SPATA17: variants seen among roughly 807,000 people sequenced by gnomAD.
SPATA17 encodes the protein spermatogenesis-associated protein 17.
Under a neutral mutation model 62.2 loss-of-function variants are expected in SPATA17, and 53 were observed. The ratio of observed to expected loss-of-function variants is 0.85; its 90% confidence interval spans 0.68 to 1.07. The LOEUF is 1.07. SPATA17 is among the 50% of genes least tolerant of loss of function. SPATA17 has a pLI of 0.00. For missense variants in SPATA17, 466 were observed against 425.5 expected, an observed-to-expected ratio of 1.10 and a Z score of -0.84; for synonymous variants, 146 against 146.8, an observed-to-expected ratio of 0.99 and a Z score of 0.04.
At chr1:217,801,618 A>G (rs1416529401) in intron 8 of SPATA17, 100 bp from the exon 9 acceptor site, 4 of 899,218 alleles carry the variant, frequency 4.4e-6, no homozygotes, top group African/African-American at 3.4e-5. Flanking sequence ...TAAATCTTGT[A>G]TCATTTTCAC....
At chr1:217,704,232 T>TTTTTTTG in intron 5 of SPATA17, among the ~76,000 whole-genome samples, 2 of 99,284 alleles carry the variant, frequency 2.0e-5, no homozygotes, top group Non-Finnish European at 4.0e-5. Context: ...CCCTCTACCT[T>TTTTTTTG]TTTTTTTTTT....
intron 5 of SPATA17, among the ~76,000 whole-genome samples, chr1:217,686,127 A>G (rs1671209722): frequency 6.6e-6 from 1 of 152,050 alleles, no homozygotes; most frequent in Non-Finnish European, 1.5e-5. Context: ...TTTCTTTCTT[A>G]TATTGCAATT....
chr1:217,804,331 A>G (rs1674381679), intron 9 of SPATA17, among the ~76,000 whole-genome samples: 1 of 152,202 alleles, frequency 6.6e-6, no homozygotes, highest in African/African-American at 2.4e-5. Context: ...ACAAATAGTG[A>G]TGAGAAAACT....
chr1:217,703,174 CT>C (rs1203063860), intron 5 of SPATA17, among the ~76,000 whole-genome samples: 260 of 105,378 alleles, frequency 2.5e-3, no homozygotes, highest in Admixed American at 2.7e-3. Context: ...TGCGCTCGGC[CT>C]TTTTTTTTTT....
rs150351428 is a variant in SPATA17, at chr1:217,834,634, A to C, written c.1006-28140A>C. Among the ~76,000 whole-genome samples the C allele has an allele frequency of 6.3e-3, 954 of 152,302 alleles. 4 individuals carry two copies. Among genetic ancestry groups the C allele is most frequent in the African/African-American group, 0.021 (887 of 41,584 alleles). On this transcript the variant is annotated intron_variant, in intron 9 of 10. Coordinates refer to ENST00000366933, the MANE Select transcript of SPATA17 (RefSeq NM_138796.4). ...TTTTGTACAGCTGTACAGTGTGTTC[A>C]TGTTTTAAGCTGTTATTAGAAAAGA... is the stretch of plus-strand genomic sequence containing the variant.
chr1:217,711,485 G>A (rs565364481), intron 5 of SPATA17, among the ~76,000 whole-genome samples: 2 of 152,254 alleles, frequency 1.3e-5, no homozygotes, highest in South Asian at 4.1e-4. Context: ...ATATGAATTC[G>A]AGTCATAGTT....
chr1:217,859,909 C>T (rs1300088219), intron 9 of SPATA17, among the ~76,000 whole-genome samples: 1 of 151,830 alleles, frequency 6.6e-6, no homozygotes, highest in African/African-American at 2.4e-5. Context: ...TTGATTTTTG[C>T]TCTGATTTTA....
chr1:217,659,351 A>G (rs1012308412), intron 3 of SPATA17, among the ~76,000 whole-genome samples: 1 of 152,262 alleles, frequency 6.6e-6, no homozygotes, highest in African/African-American at 2.4e-5. Context: ...AGCATAACAT[A>G]TACAGAAAAA....
intron 9 of SPATA17, among the ~76,000 whole-genome samples, chr1:217,824,565 A>G (rs921240053): frequency 6.6e-6 from 1 of 151,160 alleles, no homozygotes. Flanking sequence ...GGTTTTCTCT[A>G]TACTGTTATT....
chr1:217,658,651 G>A (rs1224727195), intron 3 of SPATA17, among the ~76,000 whole-genome samples: 3 of 152,012 alleles, frequency 2.0e-5, no homozygotes, highest in South Asian at 2.1e-4. Flanking sequence ...CTAGCTACTC[G>A]GGAGGCTGAG....
chr1:217,840,720 G>A (rs991678597), intron 9 of SPATA17, among the ~76,000 whole-genome samples: 3 of 151,922 alleles, frequency 2.0e-5, no homozygotes, highest in African/African-American at 4.8e-5. Flanking sequence ...TTAGCTGAGT[G>A]TGGTGGGGTG....
At chr1:217,855,745 T>TTTTTTA (rs1675769090) in intron 9 of SPATA17, among the ~76,000 whole-genome samples, 1 of 150,412 alleles carries the variant, frequency 6.6e-6, no homozygotes, top group African/African-American at 2.4e-5. Flanking sequence ...TTTTTTTTTT[T>TTTTTTA]GAGATGGAGT....
At chr1:217,700,707 C>T (rs532895724) in intron 5 of SPATA17, among the ~76,000 whole-genome samples, 6 of 151,742 alleles carry the variant, frequency 4.0e-5, no homozygotes, top group Non-Finnish European at 8.8e-5. Context: ...CTGCCTCAAC[C>T]TGCCAATTAG....
rs534136347 is a variant in SPATA17 at position 217,656,283 on chromosome 1, G to A, written c.240+5105G>A. Among the ~76,000 whole-genome samples, 14 of 152,172 alleles carry A rather than the reference G, an allele frequency of 9.2e-5. No individual in the cohort carries two copies. The South Asian group carries it at 1.0e-3, about 11-fold the overall frequency. On this transcript the variant is annotated intron_variant, in intron 3 of 10. Transcript: ENST00000366933. ...GTGTATTTATTTTAATGATGCTGGC[G>A]TTGCTGATTAAAAAAATACTTTTAA...
chr1:217,752,809 A>G (rs1672946519), intron 6 of SPATA17, among the ~76,000 whole-genome samples: 1 of 152,044 alleles, frequency 6.6e-6, no homozygotes, highest in Non-Finnish European at 1.5e-5. Context: ...GCACTTTAGG[A>G]TGTCCTATTG....
chr1:217,810,526 G>A (rs1558060454), intron 9 of SPATA17, among the ~76,000 whole-genome samples: 1 of 151,946 alleles, frequency 6.6e-6, no homozygotes. Context: ...GGGGGCTGAG[G>A]CAGAAGAATC....
intron 2 of SPATA17, among the ~76,000 whole-genome samples, chr1:217,650,443 G>C (rs933335529): frequency 1.7e-4 from 26 of 151,692 alleles, no homozygotes; most frequent in Non-Finnish European, 3.5e-4. Context: ...TTGAGACAGA[G>C]TCTTGCTCTG....
Position 217,738,248 on chromosome 1 carries a change from A to G in SPATA17, c.396-3727A>G, listed in dbSNP as rs147815338. 5.9e-5 allele frequency among the ~76,000 whole-genome samples: 9 copies of G among 152,208 alleles called. No homozygotes were observed. In the East Asian group the frequency reaches 1.7e-3, roughly 29 times the overall value. ...TTTGCATGGTTCTTTTCTGTCTCCTATTTTCCAGTTATCAGGGTTTACCCC... is the reference window on the plus strand; with the variant it reads ...TTTGCATGGTTCTTTTCTGTCTCCTGTTTTCCAGTTATCAGGGTTTACCCC... On this transcript the variant is annotated intron_variant, in intron 5 of 10. Coordinates refer to ENST00000366933, the MANE Select transcript of SPATA17 (RefSeq NM_138796.4).
At chr1:217,772,979 CGTTGCATTTGGTATAGGAT>C in intron 6 of SPATA17, among the ~76,000 whole-genome samples, 1 of 151,598 alleles carries the variant, frequency 6.6e-6, no homozygotes, top group Middle Eastern at 3.2e-3. Context: ...TGGGATGGGA[CGTTGCATTTGGTATAGGAT>C]GTTGCATTTG....
Sources: gnomAD v4.1 joint callset for allele counts (sites outside exome capture counted in the v4.1 genomes callset) on GRCh38, gnomAD v4.1.1 for gene constraint, MANE v1.5 for transcripts, NCBI Gene and HGNC (gene_info 2026-07-23, HGNC 2026-07-21) for gene names.